RABL3: variants seen among roughly 807,000 people sequenced by gnomAD.
RABL3 encodes rab-like protein 3.
In RABL3, 31 loss-of-function variants were observed where a neutral mutation model predicts 31.8. The observed-to-expected ratio is 0.97, with a 90% CI of 0.73 to 1.31. The LOEUF is 1.31. RABL3 is among the 40% of genes most tolerant of loss of function. The pLI, the probability that RABL3 is intolerant of heterozygous loss-of-function variation, is 0.00. For missense variants in RABL3, 263 were observed against 279.6 expected (o/e 0.94, Z 0.42); for synonymous variants, 97 against 99.9 (o/e 0.97, Z 0.18).
chr3:120,742,266 CCCACCCGCGCGACGACGCCG>C (rs1709054528), intron 1 of RABL3, among the ~76,000 whole-genome samples, 176 bp downstream of exon 1: 1 of 152,166 alleles, frequency 6.6e-6, no homozygotes, highest in East Asian at 1.9e-4. Context: ...CTCCGCGACC[CCCACCCGCGCGACGACGCCG>C]CCGCCACCGC....
Position 120,709,850 on chromosome 3 carries a change from A to T in RABL3, c.198T>A (p.Asp66Glu). Residue 66 changes from aspartate to glutamate, a missense_variant, in exon 3 of 8, where the codon GAT becomes GAA. By Grantham distance (45) the Asp-to-Glu change is conservative. Transcript: ENST00000273375. ...TGGCACTGCCCACAGAGCCTCCAAC[A>T]TCCCATAATTCTATGTAGTAGGTCT... The part of the protein sequence containing the change: ...EEKTYYIELW[D>E]VGGSVGSASS... 1 of 1,611,680 alleles carries T rather than the reference A, an allele frequency of 6.2e-7. No homozygotes were observed. The highest frequency in any genetic ancestry group is 8.5e-7 in the Non-Finnish European group (1 of 1,177,920).
At chr3:120,723,783 T>C (rs1708780153) in intron 2 of RABL3, among the ~76,000 whole-genome samples, 1 of 152,122 alleles carries the variant, frequency 6.6e-6, no homozygotes, top group Non-Finnish European at 1.5e-5. Flanking sequence ...AAATTAGGTA[T>C]TGATGGGACA....
In RABL3 at chr3:120,741,514, T is replaced by C. The variant is rs367716339; in HGVS notation, c.46+948A>G. 3.3e-5 allele frequency among the ~76,000 whole-genome samples: 5 copies of C among 152,282 alleles called. No homozygotes were observed. In the East Asian group the frequency reaches 5.8e-4, roughly 18 times the overall value. ...GGCCAACTCCAGAGGAGCGCTTCTA[T>C]AAAATGCAAGGTCAGCATTTATTGA... On this transcript the variant is annotated intron_variant, in intron 1 of 7. Coordinates refer to ENST00000273375, the MANE Select transcript of RABL3 (RefSeq NM_173825.5).
At chr3:120,719,548 T>C (rs1375103927) in intron 2 of RABL3, among the ~76,000 whole-genome samples, 3 of 152,210 alleles carry the variant, frequency 2.0e-5, no homozygotes, top group Non-Finnish European at 4.4e-5. Context: ...CACCAGAAGA[T>C]TGTATCTCGC....
chr3:120,736,671 C>T (rs897334916), intron 1 of RABL3, among the ~76,000 whole-genome samples: 18 of 152,228 alleles, frequency 1.2e-4, no homozygotes, highest in African/African-American at 2.9e-4. Context: ...TGGCTGGTAC[C>T]AGTTGTTCCT....
chr3:120,697,772 A>C (rs1157774060), intron 5 of RABL3, among the ~76,000 whole-genome samples: 1 of 152,214 alleles, frequency 6.6e-6, no homozygotes, highest in Non-Finnish European at 1.5e-5. Context: ...TTGTAGTTTA[A>C]GAAGCTAAGA....
rs1328529397 is a variant in RABL3 at position 120,687,776 on chromosome 3, TTATTTATA to T, written c.*2039_*2046del. The T allele has an allele frequency of 7.3e-5, 11 of 150,910 alleles. No individual in the cohort carries two copies. Among genetic ancestry groups the T allele is most frequent in the African/African-American group, 9.7e-5 (4 of 41,316 alleles). 9.3% of individuals were successfully genotyped at this position (150,910 alleles called of 1,614,324 possible). A position where few individuals can be genotyped will look rare whatever the true frequency, so the allele number is the denominator to read the frequency against. ...ATCAGCAATAGTTTACTTTTATTAT[TTATTTATA>T]TATTTATATATTTATTTATTTATTT... On this transcript the variant is annotated 3_prime_UTR_variant, in exon 8 of 8. Transcript: ENST00000273375.
At chr3:120,714,453 T>C (rs1166619781) in intron 2 of RABL3, among the ~76,000 whole-genome samples, 1 of 152,216 alleles carries the variant, frequency 6.6e-6, no homozygotes, top group African/African-American at 2.4e-5. Flanking sequence ...TAAAGGTTAC[T>C]GCTGTCTCTT....
intron 4 of RABL3, among the ~76,000 whole-genome samples, chr3:120,702,761 G>A (rs1708507468): frequency 6.6e-6 from 1 of 152,052 alleles, no homozygotes; most frequent in South Asian, 2.1e-4. Flanking sequence ...GTTTCACCAT[G>A]TTAGCCAGGA....
chr3:120,731,653 A>G (rs1197231979), intron 1 of RABL3, among the ~76,000 whole-genome samples: 1 of 152,198 alleles, frequency 6.6e-6, no homozygotes, highest in African/African-American at 2.4e-5. Flanking sequence ...ATCTTTACAA[A>G]TCACTAGTTT....
chr3:120,694,397 A>G (rs1351812544), intron 5 of RABL3, among the ~76,000 whole-genome samples, 173 bp from the exon 6 acceptor site: 1 of 152,178 alleles, frequency 6.6e-6, no homozygotes, highest in East Asian at 1.9e-4. Context: ...AAAGTATTAA[A>G]GGAAAATAAG....
chr3:120,734,725 C>A (rs867383969), intron 1 of RABL3, among the ~76,000 whole-genome samples: 29 of 152,234 alleles, frequency 1.9e-4, no homozygotes, highest in Middle Eastern at 3.4e-3. Context: ...CCCATCAATA[C>A]CTAATTTATT....
intron 2 of RABL3, among the ~76,000 whole-genome samples, chr3:120,727,813 T>C (rs985115926): frequency 6.6e-6 from 1 of 152,176 alleles, no homozygotes; most frequent in Admixed American, 6.5e-5. Flanking sequence ...CAACATAATT[T>C]ACCACAGTAA....
intron 1 of RABL3, among the ~76,000 whole-genome samples, chr3:120,732,843 C>G (rs142362911): frequency 0.06 from 9,101 of 151,886 alleles, 866 homozygotes; most frequent in African/African-American, 0.21. Context: ...ATAGTTTGCT[C>G]AGAATGATGG....
chr3:120,688,602 T>C lies in RABL3; in HGVS notation c.*1221A>G, dbSNP rs1275020041. ...TGAGAAATGAAAACTGTATATTTAT[T>C]ATTGTTATTTAAAAGTATGGAGCAA... On this transcript the variant is annotated 3_prime_UTR_variant, in exon 8 of 8. Coordinates refer to ENST00000273375, the MANE Select transcript of RABL3 (RefSeq NM_173825.5). The C allele has an allele frequency of 1.3e-5, 2 of 152,226 alleles. No individual in the cohort carries two copies. The highest frequency in any genetic ancestry group is 2.9e-5 in the Non-Finnish European group (2 of 68,032). 9.4% of individuals were successfully genotyped at this position (152,226 alleles called of 1,614,324 possible). A position where few individuals can be genotyped will look rare whatever the true frequency, so the allele number is the denominator to read the frequency against.
intron 2 of RABL3, among the ~76,000 whole-genome samples, chr3:120,729,354 T>C (rs931154952): frequency 1.3e-5 from 2 of 152,112 alleles, no homozygotes; most frequent in African/African-American, 2.4e-5. Context: ...ACTTTCACAA[T>C]ACAGCATACA....
intron 2 of RABL3, among the ~76,000 whole-genome samples, chr3:120,719,159 G>A (rs1708705349): frequency 1.3e-5 from 2 of 152,192 alleles, no homozygotes; most frequent in Admixed American, 1.3e-4. Flanking sequence ...AATATACTTT[G>A]TTTTCAAGTG....
chr3:120,721,112 A>G (rs1453665564), intron 2 of RABL3, among the ~76,000 whole-genome samples: 1 of 152,230 alleles, frequency 6.6e-6, no homozygotes, highest in Non-Finnish European at 1.5e-5. Context: ...GAGAAATAAA[A>G]TACTTTACAG....
chr3:120,740,161 G>T (rs992697868), intron 1 of RABL3, among the ~76,000 whole-genome samples: 2 of 152,230 alleles, frequency 1.3e-5, no homozygotes, highest in Non-Finnish European at 2.9e-5. Flanking sequence ...ATCTCTGAAA[G>T]AAAGAGAAAA....
Sources: gnomAD v4.1 joint callset for allele counts (sites outside exome capture counted in the v4.1 genomes callset) on GRCh38, gnomAD v4.1.1 for gene constraint, MANE v1.5 for transcripts, NCBI Gene and HGNC (gene_info 2026-07-23, HGNC 2026-07-21) for gene names.